The following MAPK4 variants were observed in gnomAD, a reference collection of about 807,000 sequenced individuals.
The protein encoded by MAPK4 is Erk3-related.
A neutral mutation model predicts 47.7 loss-of-function variants in MAPK4; 22 were observed. The observed-to-expected ratio is 0.46, with a 90% CI of 0.33 to 0.66. The LOEUF is 0.66. MAPK4 is among the 30% of genes least tolerant of loss of function. The probability of loss-of-function intolerance (pLI) is 0.02; values close to 1 mark genes in which losing one functional copy is unlikely to be tolerated. For missense variants in MAPK4, 736 were observed against 831.7 expected, an observed-to-expected ratio of 0.88 and a Z score of 1.42; for synonymous variants, 390 against 365.7, an observed-to-expected ratio of 1.07 and a Z score of -0.76.
chr18:50,592,335 A>C (rs2042443576), intron 1 of MAPK4, among the ~76,000 whole-genome samples: 1 of 152,236 alleles, frequency 6.6e-6, no homozygotes, highest in African/African-American at 2.4e-5. Flanking sequence ...AAATCTATAA[A>C]GAACAGGGCT....
chr18:50,711,802 C>T (rs894257023), intron 2 of MAPK4, among the ~76,000 whole-genome samples: 34 of 151,102 alleles, frequency 2.3e-4, no homozygotes, highest in Middle Eastern at 3.4e-3. Context: ...AATTGGGTCT[C>T]GACTTCTGGG....
chr18:50,663,835 A>T lies in MAPK4; in HGVS notation c.-124A>T. The T allele has an allele frequency of 1.2e-6, 1 of 810,616 alleles. No individual in the cohort carries two copies. The highest frequency in any genetic ancestry group is 1.7e-5 in the South Asian group (1 of 57,282). 50.2% of individuals were successfully genotyped at this position (810,616 alleles called of 1,614,324 possible). A position where few individuals can be genotyped will look rare whatever the true frequency, so the allele number is the denominator to read the frequency against. ...CTGGTGGCAGTGACCTCACTAGGAG[A>T]AAACACATCCCTCAGCCGTGGGACT... On this transcript the variant is annotated 5_prime_UTR_variant, in exon 2 of 6. Transcript: ENST00000400384.
intron 1 of MAPK4, among the ~76,000 whole-genome samples, chr18:50,563,847 C>G (rs1004687536): frequency 1.4e-4 from 22 of 152,184 alleles, no homozygotes; most frequent in African/African-American, 4.3e-4. Context: ...CAGGGGAAAA[C>G]CAATCTGTCA....
At chr18:50,721,695 G>A (rs998260779) in intron 3 of MAPK4, among the ~76,000 whole-genome samples, 8 of 152,204 alleles carry the variant, frequency 5.3e-5, no homozygotes, top group Non-Finnish European at 8.8e-5. Flanking sequence ...TAGGGGAATA[G>A]ATGGGGCCTT....
chr18:50,656,652 C>T (rs1288464112), intron 1 of MAPK4, among the ~76,000 whole-genome samples: 1 of 152,148 alleles, frequency 6.6e-6, no homozygotes, highest in Admixed American at 6.5e-5. Context: ...AGCTGCCTTC[C>T]ACATCCTCCA....
At chr18:50,716,081 G>T (rs1427224476) in intron 3 of MAPK4, among the ~76,000 whole-genome samples, 1 of 152,158 alleles carries the variant, frequency 6.6e-6, no homozygotes, top group African/African-American at 2.4e-5. Context: ...CAGGGCATGA[G>T]TCATCCTTCT....
At chr18:50,687,574 G>A (rs556231032) in intron 2 of MAPK4, among the ~76,000 whole-genome samples, 70 of 152,060 alleles carry the variant, frequency 4.6e-4, no homozygotes, top group African/African-American at 1.6e-3. Flanking sequence ...GGCCTGCCTC[G>A]CTCTTTCCCT....
chr18:50,665,450 A>T (rs1182863090), intron 2 of MAPK4, among the ~76,000 whole-genome samples: 1 of 152,218 alleles, frequency 6.6e-6, no homozygotes, highest in Non-Finnish European at 1.5e-5. Context: ...ATGTTATTAG[A>T]ATAAAACATC....
chr18:50,726,908 A>C (rs1198193703), intron 5 of MAPK4, among the ~76,000 whole-genome samples: 1 of 151,964 alleles, frequency 6.6e-6, no homozygotes, highest in Admixed American at 6.6e-5. Flanking sequence ...GCCCATTGAC[A>C]CACAAGGAAG....
chr18:50,695,523 T>C (rs1047345303), intron 2 of MAPK4, among the ~76,000 whole-genome samples: 2 of 152,048 alleles, frequency 1.3e-5, no homozygotes, highest in Non-Finnish European at 2.9e-5. Flanking sequence ...CTGGAGGGCA[T>C]TCCGAGGACA....
intron 2 of MAPK4, among the ~76,000 whole-genome samples, chr18:50,693,053 C>T (rs986793850): frequency 3.3e-5 from 5 of 152,006 alleles, no homozygotes; most frequent in East Asian, 1.9e-4. Flanking sequence ...GCCATGAGTT[C>T]GAAACCAGCC....
At chr18:50,638,147 G>A (rs1442802400) in intron 1 of MAPK4, among the ~76,000 whole-genome samples, 1 of 152,196 alleles carries the variant, frequency 6.6e-6, no homozygotes, top group Admixed American at 6.5e-5. Flanking sequence ...GAGATGCGAT[G>A]CTAGGTTGGC....
intron 1 of MAPK4, among the ~76,000 whole-genome samples, chr18:50,628,485 C>T (rs985200555): frequency 3.9e-5 from 6 of 152,228 alleles, no homozygotes; most frequent in Non-Finnish European, 5.9e-5. Flanking sequence ...GCACACGCAA[C>T]GCCTTATCCA....
chr18:50,669,490 G>A (rs58782958), intron 2 of MAPK4: 7,675 of 152,302 alleles, frequency 0.05, 467 homozygotes, highest in African/African-American at 0.14. Context: ...GGGCTGCTGG[G>A]GGGACCACCC....
In MAPK4 at chr18:50,573,322, C is replaced by T. The variant is rs1339611487; in HGVS notation, c.-871+13079C>T. ...GTCTGTGACCTGTTAGGAACCAGGC[C>T]GCACAGCAGGAGGAGAGCAGTGGGC... On this transcript the variant is annotated intron_variant, in intron 1 of 5. Coordinates refer to ENST00000400384, the MANE Select transcript of MAPK4 (RefSeq NM_002747.4). Among the ~76,000 whole-genome samples the T allele has an allele frequency of 3.9e-5, 6 of 152,076 alleles. No homozygotes were observed. The East Asian group carries it at 7.7e-4, about 20-fold the overall frequency.
chr18:50,610,388 A>G (rs202236849), intron 1 of MAPK4, among the ~76,000 whole-genome samples: 178 of 152,352 alleles, frequency 1.2e-3, no homozygotes, highest in African/African-American at 4.1e-3. Context: ...GGCACTGCCC[A>G]GAGGCTGCTG....
rs187882195 is a variant in MAPK4 at position 50,644,408 on chromosome 18, C to T, written c.-870-18681C>T. ...ACTTGCCATTGGGTATCTGGAGGGCCCCAAGCCTATTCAGTCATGCAGCAA... is the reference window on the plus strand; with the variant it reads ...ACTTGCCATTGGGTATCTGGAGGGCTCCAAGCCTATTCAGTCATGCAGCAA... On this transcript the variant is annotated intron_variant, in intron 1 of 5. Coordinates refer to ENST00000400384, the MANE Select transcript of MAPK4 (RefSeq NM_002747.4). Among the ~76,000 whole-genome samples the T allele has an allele frequency of 5.9e-5, 9 of 152,128 alleles. No individual in the cohort carries two copies. In the East Asian group the frequency reaches 1.7e-3, roughly 29 times the overall value.
In MAPK4 at chr18:50,664,543, G is replaced by A. The variant is rs751494313; in HGVS notation, c.546+39G>A. ...GAATGGCGGATACTGGTGGTCCACA[G>A]AATCCCCAAGAATACTTGCAGCATT... On this transcript the variant is annotated intron_variant, in intron 2 of 5. Coordinates refer to ENST00000400384, the MANE Select transcript of MAPK4 (RefSeq NM_002747.4). The surrounding 1 kb of genome is among the most constrained non-coding windows in gnomAD (Gnocchi z 6.0). The A allele has an allele frequency of 6.5e-7, 1 of 1,538,424 alleles. No homozygotes were observed. The highest frequency in any genetic ancestry group is 1.3e-5 in the South Asian group (1 of 79,424).
chr18:50,706,462 T>G (rs2879288), intron 2 of MAPK4, among the ~76,000 whole-genome samples: 43,691 of 149,612 alleles, frequency 0.29, 6,647 homozygotes, highest in East Asian at 0.42. Context: ...CGTCAGTTTT[T>G]TTTTTTTTTT....
Sources: gnomAD v4.1 joint callset for allele counts (sites outside exome capture counted in the v4.1 genomes callset) on GRCh38, gnomAD v4.1.1 for gene constraint, Gnocchi (gnomAD v3.1) non-coding constraint, MANE v1.5 for transcripts, NCBI Gene and HGNC (gene_info 2026-07-23, HGNC 2026-07-21) for gene names.